Variants in SPTA1 observed in about 807,000 individuals in gnomAD.
SPTA1 encodes spectrin alpha chain, erythrocytic 1.
SPTA1 carries 177 observed loss-of-function variants against 324.7 expected under a neutral mutation model. The observed-to-expected ratio is 0.55, with a 90% confidence interval of 0.48 to 0.62. SPTA1 has a LOEUF of 0.62. Among genes scored for constraint, SPTA1 ranks in the 20% least tolerant of loss-of-function variants. The pLI, the probability that SPTA1 is intolerant of heterozygous loss-of-function variation, is 0.00. For synonymous variants in SPTA1, 1,195 were observed against 1,041.3 expected (o/e 1.15, Z -2.84); for missense variants, 3,162 against 2,883.6 (o/e 1.10, Z -2.21).
intron 8 of SPTA1, 150 bp from the exon 9 acceptor site, chr1:158,674,825 T>C: frequency 1.8e-6 from 2 of 1,130,026 alleles, no homozygotes; most frequent in South Asian, 2.6e-5. Context: ...TCCTGTTATT[T>C]ACAGTCAGAG....
chr1:158,653,223 C>A (rs368722117), intron 22 of SPTA1, 51 bp downstream of exon 22: 45 of 1,613,260 alleles, frequency 2.8e-5, no homozygotes, highest in Non-Finnish European at 3.3e-5. Context: ...ATGCCTTTGG[C>A]GAAAAATGTC....
At chr1:158,662,503 A>C (rs543947184) in intron 17 of SPTA1, among the ~76,000 whole-genome samples, 199 bp downstream of exon 17, 1 of 152,314 alleles carries the variant, frequency 6.6e-6, no homozygotes, top group South Asian at 2.1e-4. Flanking sequence ...GGCATTGCTC[A>C]TGTCCAGTTT....
intron 39 of SPTA1, 115 bp from the exon 40 acceptor site, chr1:158,627,838 A>C (rs754185608): frequency 2.9e-6 from 3 of 1,021,444 alleles, no homozygotes; most frequent in Non-Finnish European, 4.5e-6. Flanking sequence ...AAATTGGCAG[A>C]CTAGGTGAAT....
At chr1:158,630,861 A>C (rs1438813017) in intron 39 of SPTA1, among the ~76,000 whole-genome samples, 1 of 152,108 alleles carries the variant, frequency 6.6e-6, no homozygotes, top group Admixed American at 6.5e-5. Context: ...ATGGGCTAAA[A>C]ACAAACATGA....
At chr1:158,686,103 C>A (rs1043982348) in intron 1 of SPTA1, among the ~76,000 whole-genome samples, 6 of 152,318 alleles carry the variant, frequency 3.9e-5, no homozygotes, top group Admixed American at 3.9e-4. Flanking sequence ...CCCTAGCTTA[C>A]CTCAGCCAAA....
chr1:158,625,883 T>C (rs1650234438), intron 42 of SPTA1, among the ~76,000 whole-genome samples: 1 of 151,656 alleles, frequency 6.6e-6, no homozygotes, highest in Non-Finnish European at 1.5e-5. Context: ...ATAAAGCTTT[T>C]AATGGAATAG....
At chr1:158,644,693 G>A (rs984339001) in intron 29 of SPTA1, among the ~76,000 whole-genome samples, 6 of 152,068 alleles carry the variant, frequency 3.9e-5, no homozygotes, top group Non-Finnish European at 8.8e-5. Context: ...ATCCTTCAGG[G>A]TAGCCTGTGA....
intron 13 of SPTA1, 49 bp from the exon 14 acceptor site, chr1:158,669,612 A>T: frequency 6.2e-7 from 1 of 1,614,100 alleles, no homozygotes; most frequent in South Asian, 1.1e-5. Context: ...AAATATGGAC[A>T]TGTGAGATTC....
chr1:158,638,745 CAAAAAAAA>C (rs34072412), intron 35 of SPTA1, among the ~76,000 whole-genome samples: 2 of 92,214 alleles, frequency 2.2e-5, no homozygotes, highest in South Asian at 4.2e-4. Context: ...GAGCTGGTAC[CAAAAAAAA>C]AAAAAAAAAA....
intron 39 of SPTA1, among the ~76,000 whole-genome samples, chr1:158,630,841 T>C (rs1650626072): frequency 6.6e-6 from 1 of 151,862 alleles, no homozygotes; most frequent in African/African-American, 2.4e-5. Context: ...CCTAATAACT[T>C]GATTTAAAAA....
At chr1:158,617,992 CATAATAATATAATAA>C in intron 46 of SPTA1, 32 bp downstream of exon 46, 1 of 1,556,184 alleles carries the variant, frequency 6.4e-7, no homozygotes. Flanking sequence ...CGAATTCTTC[CATAATAATATAATAA>C]AGCAAACATG....
chr1:158,641,824 G>A (rs1024319564), intron 33 of SPTA1, among the ~76,000 whole-genome samples: 3 of 152,180 alleles, frequency 2.0e-5, no homozygotes, highest in African/African-American at 7.2e-5. Context: ...ATACCCAAAG[G>A]ATTATAAATC....
chr1:158,660,092 A>T (rs183859303), intron 18 of SPTA1, among the ~76,000 whole-genome samples: 2 of 152,328 alleles, frequency 1.3e-5, no homozygotes, highest in Non-Finnish European at 2.9e-5. Flanking sequence ...GAATCACAAT[A>T]AATACAAAAT....
chr1:158,649,952 A>G lies in SPTA1; in HGVS notation c.3478-5T>C. On this transcript the variant is annotated splice_region_variant and splice_polypyrimidine_tract_variant and intron_variant, in intron 24 of 51. Transcript: ENST00000643759. The stretch of plus-strand genomic sequence containing the variant: ...ACCCCAGCGGGAATTCAATTCCTAA[A>G]AGAGGCAAAAACATCAGACTTGAGA... 1 of 1,606,524 alleles carries G rather than the reference A, an allele frequency of 6.2e-7. No individual in the cohort carries two copies. The highest frequency in any genetic ancestry group is 8.5e-7 in the Non-Finnish European group (1 of 1,174,122).
At chr1:158,653,179 C>T (rs1652579973) in intron 22 of SPTA1, 95 bp downstream of exon 22, 1 of 1,558,182 alleles carries the variant, frequency 6.4e-7, no homozygotes, top group South Asian at 1.1e-5. Flanking sequence ...TCTGTGGCAT[C>T]TCAAATCTAA....
intron 10 of SPTA1, among the ~76,000 whole-genome samples, chr1:158,674,093 C>T (rs577982485): frequency 6.6e-6 from 1 of 151,998 alleles, no homozygotes; most frequent in African/African-American, 2.4e-5. Context: ...AATATTATGC[C>T]GTTTCTTGAG....
At position 158,682,093 on chromosome 1, in the gene SPTA1, G is replaced by A. The variant is rs191129144; in HGVS notation, c.391-426C>T. Reference sequence around the variant, plus strand: ...TAGCATGAATTGTCTGCCAGAAAGTGTGAGAGCTATAATTTTTATAAGTTA... The same window carrying A: ...TAGCATGAATTGTCTGCCAGAAAGTATGAGAGCTATAATTTTTATAAGTTA... On this transcript the variant is annotated intron_variant, in intron 3 of 51. Transcript: ENST00000643759. Among the ~76,000 whole-genome samples the A allele has an allele frequency of 5.3e-5, 8 of 152,282 alleles. No individual in the cohort carries two copies. The East Asian group carries it at 1.5e-3, about 29-fold the overall frequency.
At chr1:158,625,194 G>T (rs1650191964) in intron 42 of SPTA1, among the ~76,000 whole-genome samples, 1 of 152,112 alleles carries the variant, frequency 6.6e-6, no homozygotes, top group Non-Finnish European at 1.5e-5. Context: ...AGTGGAAATA[G>T]ATATTTCTGC....
Position 158,666,389 on chromosome 1 carries a change from C to A in SPTA1, c.2147G>T (p.Gly716Val). 1 of 1,613,918 alleles carries A rather than the reference C, an allele frequency of 6.2e-7. No individual in the cohort carries two copies. The highest frequency in any genetic ancestry group is 2.2e-5 in the East Asian group (1 of 44,838). Residue 716 changes from glycine (G) to valine (V), a missense_variant, in exon 16 of 52, where the codon GGG becomes GTG. Transcript: ENST00000643759. The part of the protein sequence containing the change: ...VEWQVTSEDY[G>V]KGLAEVQNRL... ...ATTCTGTACCTCGGCCAGGCCTTTC[C>A]CATAATCCTCAGAGGTGACTTGCCA...
Sources: allele counts gnomAD v4.1 joint callset (sites outside exome capture counted in the v4.1 genomes callset), GRCh38; gene constraint gnomAD v4.1.1; transcripts MANE v1.5; gene names NCBI Gene and HGNC (gene_info 2026-07-23, HGNC 2026-07-21).